The following PLEKHA8 variants were observed in gnomAD, a reference collection of about 807,000 sequenced individuals.
PLEKHA8 encodes the protein pleckstrin homology domain containing A8.
A neutral mutation model predicts 68.2 loss-of-function variants in PLEKHA8; 36 were observed. That is an observed-to-expected ratio of 0.53 (90% CI 0.40 to 0.70). The LOEUF is 0.70. Ranked by LOEUF, PLEKHA8 falls within the 30% of genes least tolerant of loss-of-function variation. The probability of loss-of-function intolerance (pLI) is 0.00; values close to 1 mark genes in which losing one functional copy is unlikely to be tolerated. For synonymous variants in PLEKHA8, 211 were observed against 216.1 expected, an observed-to-expected ratio of 0.98 and a Z score of 0.20; for missense variants, 505 against 615.4, an observed-to-expected ratio of 0.82 and a Z score of 1.90.
At position 30,049,240 on chromosome 7, in the gene PLEKHA8, G is replaced by A; in HGVS notation, c.455G>A (p.Gly152Glu). 1.2e-6 allele frequency: 2 copies of A among 1,613,828 alleles called. No individual in the cohort carries two copies. The highest frequency in any genetic ancestry group is 1.7e-6 in the Non-Finnish European group (2 of 1,179,976). Reference sequence around the variant, plus strand: ...GTTTCGTAGGAGGGAATTGATGTGGGAACTTTGCTGAAATCAACCTGTAAT... The same window carrying A: ...GTTTCGTAGGAGGGAATTGATGTGGAAACTTTGCTGAAATCAACCTGTAAT... ...VSNSEEGIDV[G>E]TLLKSTCNTF... is the part of the protein sequence containing the mutation. Residue 152 changes from glycine to glutamate, a missense_variant, in exon 5 of 14, where the codon GGA becomes GAA. Gly to Glu is a moderately conservative substitution (Grantham distance 98, BLOSUM62 -2). Coordinates refer to ENST00000449726, the MANE Select transcript of PLEKHA8 (RefSeq NM_001197026.2).
At chr7:30,034,210 A>G (rs554848149) in intron 1 of PLEKHA8, among the ~76,000 whole-genome samples, 1 of 151,724 alleles carries the variant, frequency 6.6e-6, no homozygotes, top group Non-Finnish European at 1.5e-5. Flanking sequence ...GGGTTTCACT[A>G]TGTTGGCCAG....
chr7:30,055,462 C>T (rs1406327425), intron 9 of PLEKHA8, 120 bp downstream of exon 9: 2 of 832,758 alleles, frequency 2.4e-6, no homozygotes, highest in Non-Finnish European at 4.1e-6. Flanking sequence ...GCTATTTGTT[C>T]AAATCACCAG....
intron 1 of PLEKHA8, among the ~76,000 whole-genome samples, chr7:30,034,537 T>TC (rs1477080650): frequency 6.6e-6 from 1 of 152,188 alleles, no homozygotes; most frequent in East Asian, 1.9e-4. Flanking sequence ...TATACTGCAT[T>TC]CCTACAATAA....
At chr7:30,101,380 G>T (rs1795847241) in intron 13 of PLEKHA8, among the ~76,000 whole-genome samples, 1 of 152,096 alleles carries the variant, frequency 6.6e-6, no homozygotes, top group Non-Finnish European at 1.5e-5. Flanking sequence ...TCACAGTTGT[G>T]GTGGCTGGGA....
Position 30,079,744 on chromosome 7 carries a change from G to A in PLEKHA8, c.*957G>A. 1 of 599,936 alleles carries A rather than the reference G, an allele frequency of 1.7e-6. No individual in the cohort carries two copies. The highest frequency in any genetic ancestry group is 2.1e-6 in the Non-Finnish European group (1 of 478,440). 37.2% of individuals were successfully genotyped at this position (599,936 alleles called of 1,614,324 possible). On this transcript the variant is annotated 3_prime_UTR_variant, in exon 14 of 14. Coordinates refer to ENST00000449726, the MANE Select transcript of PLEKHA8 (RefSeq NM_001197026.2). Reference sequence around the variant, plus strand: ...ACAGCAGATTCCCAGGCCTTATTTTGGCCTAAAGAACCAGAGTCTAGGTGG... The same window carrying A: ...ACAGCAGATTCCCAGGCCTTATTTTAGCCTAAAGAACCAGAGTCTAGGTGG...
chr7:30,093,285 A>T (rs1795486249), downstream of PLEKHA8, among the ~76,000 whole-genome samples: 2 of 152,190 alleles, frequency 1.3e-5, no homozygotes. Flanking sequence ...TGTGTGAAAA[A>T]CTTCCTATAG....
chr7:30,118,819 C>T (rs1027825600), intron 13 of PLEKHA8, among the ~76,000 whole-genome samples: 2 of 151,838 alleles, frequency 1.3e-5, no homozygotes, highest in Admixed American at 6.6e-5. Flanking sequence ...CCTTGTGATC[C>T]GCCCGTCTGA....
chr7:30,109,529 A>G (rs1411364509), intron 13 of PLEKHA8, among the ~76,000 whole-genome samples: 1 of 134,828 alleles, frequency 7.4e-6, no homozygotes, highest in Non-Finnish European at 1.5e-5. Flanking sequence ...TGGAGGTTGC[A>G]GTCAGCCAAG....
intron 4 of PLEKHA8, 128 bp from the exon 5 acceptor site, chr7:30,049,089 TTTATAAC>T (rs1792194078): frequency 9.3e-7 from 1 of 1,071,610 alleles, no homozygotes; most frequent in South Asian, 1.5e-5. Context: ...GGGCTTTTCT[TTTATAAC>T]TGATGTACAT....
At chr7:30,128,091 A>ATTTTTTTTTTT (rs35173428) in intron 13 of PLEKHA8, among the ~76,000 whole-genome samples, 2 of 122,722 alleles carry the variant, frequency 1.6e-5, no homozygotes, top group Non-Finnish European at 3.4e-5. Context: ...GTTTTACTGT[A>ATTTTTTTTTTT]TTTTTTTTTT....
chr7:30,052,160 A>C lies in PLEKHA8; in HGVS notation c.639-549A>C, dbSNP rs149754861. On this transcript the variant is annotated intron_variant, in intron 6 of 13. Transcript: ENST00000449726. The stretch of plus-strand genomic sequence containing the variant: ...TGACTATTTCCTGATGCTGCTGGGG[A>C]GCAGGAAGATTGGGACTGCTGAGGT... 3.9e-5 allele frequency among the ~76,000 whole-genome samples: 6 copies of C among 152,254 alleles called. No homozygotes were observed. The East Asian group carries it at 7.7e-4, about 20-fold the overall frequency.
chr7:30,078,495 G>T, intron 13 of PLEKHA8, 95 bp from the exon 14 acceptor site: 1 of 1,286,338 alleles, frequency 7.8e-7, no homozygotes, highest in South Asian at 1.2e-5. Context: ...CTGTTTGTAT[G>T]TGTGAAAGTA....
chr7:30,050,297 A>G, intron 5 of PLEKHA8, 137 bp from the exon 6 acceptor site: 1 of 1,131,470 alleles, frequency 8.8e-7, no homozygotes, highest in Non-Finnish European at 1.2e-6. Flanking sequence ...GGAAGACCTA[A>G]AATTGTTTTT....
intron 13 of PLEKHA8, among the ~76,000 whole-genome samples, chr7:30,102,986 C>T (rs966057656): frequency 3.9e-5 from 6 of 152,186 alleles, no homozygotes; most frequent in Non-Finnish European, 8.8e-5. Flanking sequence ...AGAGGATTGC[C>T]TGAGCCCAGG....
In PLEKHA8 at chr7:30,081,387, C is replaced by A; in HGVS notation, c.*2600C>A. On this transcript the variant is annotated 3_prime_UTR_variant, in exon 14 of 14. Coordinates refer to ENST00000449726, the MANE Select transcript of PLEKHA8 (RefSeq NM_001197026.2). ...AAATATTAGAAATTAGAAATTGAAC[C>A]TAATACTAAACAGTAAATTCAGCTT... 1 of 984,614 alleles carries A rather than the reference C, an allele frequency of 1.0e-6. No individual in the cohort carries two copies. 61.0% of individuals were successfully genotyped at this position (984,614 alleles called of 1,614,324 possible). A position where few individuals can be genotyped will look rare whatever the true frequency, so the allele number is the denominator to read the frequency against.
Position 30,028,892 on chromosome 7 carries a change from G to A in PLEKHA8, c.40+90G>A, listed in dbSNP as rs375038278. 57 of 1,208,428 alleles carry A rather than the reference G, an allele frequency of 4.7e-5. No homozygotes were observed. In the East Asian group the frequency reaches 1.3e-3, roughly 27 times the overall value. The allele number at this position is 1,208,428 out of a possible 1,614,324, so 74.9% of individuals were successfully genotyped here. The stretch of plus-strand genomic sequence containing the variant: ...CGGTGTCTGGACCCGTCTTAGGGAG[G>A]GGGTCACGGCCCTTTCCTGAGGCCA... On this transcript the variant is annotated intron_variant, in intron 1 of 13. Transcript: ENST00000449726.
chr7:30,119,749 A>G (rs1796664823), intron 13 of PLEKHA8, among the ~76,000 whole-genome samples: 1 of 152,132 alleles, frequency 6.6e-6, no homozygotes. Flanking sequence ...TTCAGCCACC[A>G]TTTTGCTGCA....
At chr7:30,089,700 A>G (rs1795331695) in intron 12 of PLEKHA8, among the ~76,000 whole-genome samples, 1 of 152,166 alleles carries the variant, frequency 6.6e-6, no homozygotes, top group African/African-American at 2.4e-5. Flanking sequence ...GGTGAAACCA[A>G]TATGGAAAAA....
At chr7:30,117,651 C>T (rs1796608840) in intron 13 of PLEKHA8, among the ~76,000 whole-genome samples, 2 of 152,078 alleles carry the variant, frequency 1.3e-5, no homozygotes, top group Non-Finnish European at 1.5e-5. Context: ...CTGCAGTGAG[C>T]CATGATCATG....
Sources: gnomAD v4.1 joint callset for allele counts (sites outside exome capture counted in the v4.1 genomes callset) on GRCh38, gnomAD v4.1.1 for gene constraint, MANE v1.5 for transcripts, NCBI Gene and HGNC (gene_info 2026-07-23, HGNC 2026-07-21) for gene names.